NALF1: variants seen among roughly 807,000 people sequenced by gnomAD.
NALF1 encodes the protein NALCN channel auxiliary factor 1.
Under a neutral mutation model 48.4 loss-of-function variants are expected in NALF1, and 3 were observed. That is an observed-to-expected ratio of 0.06 (90% confidence interval 0.03 to 0.16). The LOEUF (loss-of-function observed/expected upper bound fraction) is 0.16. Among genes scored for constraint, NALF1 ranks in the 10% least tolerant of loss-of-function variants. NALF1 has a pLI of 1.00. For synonymous variants in NALF1, 262 were observed against 245.7 expected (o/e 1.07, Z -0.62); for missense variants, 526 against 571.5 (o/e 0.92, Z 0.81).
In NALF1 at chr13:107,367,414, C is replaced by T. The variant is rs573406687; in HGVS notation, c.916-156659G>A. Among the ~76,000 whole-genome samples, 32 of 152,242 alleles carry T rather than the reference C, an allele frequency of 2.1e-4. No homozygotes were observed. In the South Asian group the frequency reaches 4.4e-3, roughly 21 times the overall value. On this transcript the variant is annotated intron_variant, in intron 1 of 2. Transcript: ENST00000375915. Reference sequence around the variant, plus strand: ...GGTCATTCTCCTGATGTCTTGTTTCCGGCTGAAGAGCTGGAGGACAAAGTC... The same window carrying T: ...GGTCATTCTCCTGATGTCTTGTTTCTGGCTGAAGAGCTGGAGGACAAAGTC...
intron 1 of NALF1, among the ~76,000 whole-genome samples, chr13:107,462,499 T>G (rs1396941872): frequency 6.6e-6 from 1 of 152,158 alleles, no homozygotes; most frequent in Non-Finnish European, 1.5e-5. Context: ...GAAATGGGTA[T>G]GTGAAATGGG....
rs541272956 is a variant in NALF1, at chr13:107,190,841, C to T, written c.1087+19743G>A. 1.1e-4 allele frequency among the ~76,000 whole-genome samples: 16 copies of T among 152,064 alleles called. No individual in the cohort carries two copies. In the South Asian group the frequency reaches 1.2e-3, roughly 12 times the overall value. On this transcript the variant is annotated intron_variant, in intron 2 of 2. Coordinates refer to ENST00000375915, the MANE Select transcript of NALF1 (RefSeq NM_001080396.3). ...TATAGCAATTTTCAAAAAGAAATTA[C>T]GAAAGCATTGGAAACAGGGACATCT...
chr13:107,216,054 C>T (rs767798930), intron 1 of NALF1, among the ~76,000 whole-genome samples: 2 of 152,206 alleles, frequency 1.3e-5, no homozygotes, highest in Non-Finnish European at 2.9e-5. Flanking sequence ...AGAGGCTAAG[C>T]AGCTGCTCTC....
chr13:107,712,400 C>A (rs1008027113), intron 1 of NALF1, among the ~76,000 whole-genome samples: 8 of 152,112 alleles, frequency 5.3e-5, no homozygotes, highest in Non-Finnish European at 1.2e-4. Flanking sequence ...GACAAGGCAA[C>A]CCCCAGCCTG....
At chr13:107,779,592 T>C (rs1877827450) in intron 1 of NALF1, among the ~76,000 whole-genome samples, 1 of 152,206 alleles carries the variant, frequency 6.6e-6, no homozygotes, top group African/African-American at 2.4e-5. Flanking sequence ...AGCCAAACCA[T>C]TCTAGCTGAC....
intron 1 of NALF1, among the ~76,000 whole-genome samples, chr13:107,716,470 C>T (rs1875823423): frequency 6.6e-6 from 1 of 152,164 alleles, no homozygotes; most frequent in African/African-American, 2.4e-5. Context: ...TTCAGTTCAT[C>T]CAGGGGCACA....
intron 1 of NALF1, among the ~76,000 whole-genome samples, chr13:107,521,809 A>AC (rs1876248049): frequency 6.6e-6 from 1 of 152,074 alleles, no homozygotes; most frequent in Non-Finnish European, 1.5e-5. Flanking sequence ...ATAGGCATAG[A>AC]CCACTTTTAA....
At chr13:107,858,116 A>C (rs1224468801) in intron 1 of NALF1, among the ~76,000 whole-genome samples, 1 of 152,208 alleles carries the variant, frequency 6.6e-6, no homozygotes, top group Non-Finnish European at 1.5e-5. Context: ...AGGTTACCTA[A>C]GCCTTTGACA....
intron 1 of NALF1, among the ~76,000 whole-genome samples, chr13:107,589,034 AAC>A (rs1878532681): frequency 6.6e-6 from 1 of 152,086 alleles, no homozygotes; most frequent in South Asian, 2.1e-4. Context: ...GGGGAGAGCA[AAC>A]ACATTACTGC....
At chr13:107,861,675 G>A (rs985804655) in intron 1 of NALF1, among the ~76,000 whole-genome samples, 4 of 152,102 alleles carry the variant, frequency 2.6e-5, no homozygotes, top group East Asian at 1.9e-4. Context: ...TCCCAGCTAC[G>A]AGGGAGGCTG....
At chr13:107,484,626 C>T (rs1268887767) in intron 1 of NALF1, among the ~76,000 whole-genome samples, 1 of 152,124 alleles carries the variant, frequency 6.6e-6, no homozygotes, top group Non-Finnish European at 1.5e-5. Context: ...GAATACATGT[C>T]CCCAATTCCT....
intron 1 of NALF1, among the ~76,000 whole-genome samples, chr13:107,825,089 G>C (rs558708708): frequency 6.6e-6 from 1 of 152,076 alleles, no homozygotes; most frequent in Non-Finnish European, 1.5e-5. Flanking sequence ...TAATAAACCA[G>C]CTTCATAAAA....
At chr13:107,488,391 C>T (rs1193508573) in intron 1 of NALF1, among the ~76,000 whole-genome samples, 1 of 151,970 alleles carries the variant, frequency 6.6e-6, no homozygotes, top group Non-Finnish European at 1.5e-5. Context: ...ATCTTCCTAA[C>T]TTTTTGATGT....
At chr13:107,447,701 T>C (rs1277805576) in intron 1 of NALF1, among the ~76,000 whole-genome samples, 1 of 152,176 alleles carries the variant, frequency 6.6e-6, no homozygotes, top group Non-Finnish European at 1.5e-5. Context: ...GGATCTACAC[T>C]GTGTCTTCTG....
chr13:107,665,520 A>G (rs1880835155), intron 1 of NALF1, among the ~76,000 whole-genome samples: 1 of 152,158 alleles, frequency 6.6e-6, no homozygotes, highest in African/African-American at 2.4e-5. Context: ...TGTCTAATAA[A>G]TATATAGTAT....
At chr13:107,456,429 T>G (rs1001791088) in intron 1 of NALF1, among the ~76,000 whole-genome samples, 4 of 152,206 alleles carry the variant, frequency 2.6e-5, no homozygotes, top group Middle Eastern at 3.2e-3. Flanking sequence ...TAGGGACCAG[T>G]AGGAATCAGC....
chr13:107,783,127 GCCGCCCCTA>G (rs1254765937), intron 1 of NALF1, among the ~76,000 whole-genome samples: 72 of 137,154 alleles, frequency 5.2e-4, no homozygotes, highest in East Asian at 1.2e-3. Context: ...CCTCTGCCCG[GCCGCCCCTA>G]CTGGGAAGTG....
At chr13:107,540,055 C>T (rs892890095) in intron 1 of NALF1, among the ~76,000 whole-genome samples, 1 of 151,924 alleles carries the variant, frequency 6.6e-6, no homozygotes, top group Non-Finnish European at 1.5e-5. Context: ...GATGTACACA[C>T]ACACACACAC....
chr13:107,422,586 A>G (rs976612895), intron 1 of NALF1, among the ~76,000 whole-genome samples: 1 of 152,130 alleles, frequency 6.6e-6, no homozygotes, highest in Non-Finnish European at 1.5e-5. Flanking sequence ...TTACTGCATA[A>G]TGATGGCAAA....
Sources: allele counts gnomAD v4.1 joint callset (sites outside exome capture counted in the v4.1 genomes callset), GRCh38; gene constraint gnomAD v4.1.1; transcripts MANE v1.5; gene names NCBI Gene and HGNC (gene_info 2026-07-23, HGNC 2026-07-21).